FHIT: variants seen among roughly 807,000 people sequenced by gnomAD.
FHIT encodes the protein bis(5'-adenosyl)-triphosphatase.
FHIT carries 19 observed loss-of-function variants against 17.9 expected under a neutral mutation model. The ratio of observed to expected loss-of-function variants is 1.06; its 90% CI spans 0.74 to 1.56. FHIT has a LOEUF of 1.56. FHIT is among the 40% of genes most tolerant of loss of function. The pLI, the probability that FHIT is intolerant of heterozygous loss-of-function variation, is 0.00. For missense variants in FHIT, 248 were observed against 189.2 expected, an observed-to-expected ratio of 1.31 and a Z score of -1.82; for synonymous variants, 81 against 69.7, an observed-to-expected ratio of 1.16 and a Z score of -0.81.
chr3:60,019,986 C>T (rs1341458284), intron 5 of FHIT, among the ~76,000 whole-genome samples: 1 of 152,166 alleles, frequency 6.6e-6, no homozygotes, highest in African/African-American at 2.4e-5. Context: ...TCCCCAAATA[C>T]TTGCCAATAT....
chr3:60,857,334 G>T (rs1270745050), intron 3 of FHIT, among the ~76,000 whole-genome samples: 1 of 152,138 alleles, frequency 6.6e-6, no homozygotes, highest in Non-Finnish European at 1.5e-5. Context: ...TCCCTATCAT[G>T]TTCCATGATT....
At chr3:61,039,670 A>G (rs1040533593) in intron 3 of FHIT, among the ~76,000 whole-genome samples, 1 of 152,176 alleles carries the variant, frequency 6.6e-6, no homozygotes, top group Non-Finnish European at 1.5e-5. Flanking sequence ...ACATGGACAC[A>G]GGGAGGGGAA....
At chr3:60,502,003 C>G (rs568871374) in intron 5 of FHIT, among the ~76,000 whole-genome samples, 15 of 152,218 alleles carry the variant, frequency 9.9e-5, no homozygotes, top group Admixed American at 3.9e-4. Flanking sequence ...ACTGAGAGAC[C>G]GACGAGTAGA....
At chr3:60,801,802 G>T (rs571978619) in intron 4 of FHIT, among the ~76,000 whole-genome samples, 1 of 152,108 alleles carries the variant, frequency 6.6e-6, no homozygotes, top group South Asian at 2.1e-4. Flanking sequence ...AGCCTGATAC[G>T]GTAGGCTCTA....
chr3:60,847,227 C>A (rs1261396107), intron 3 of FHIT, among the ~76,000 whole-genome samples: 2 of 152,172 alleles, frequency 1.3e-5, no homozygotes, highest in Non-Finnish European at 2.9e-5. Context: ...TCATCAGACC[C>A]ACAAACACAT....
At chr3:60,230,127 C>T (rs1237179054) in intron 5 of FHIT, among the ~76,000 whole-genome samples, 1 of 152,068 alleles carries the variant, frequency 6.6e-6, no homozygotes, top group Non-Finnish European at 1.5e-5. Flanking sequence ...AATTGAATAA[C>T]GTTAAAATTT....
chr3:59,907,764 T>C (rs12629288), intron 8 of FHIT, among the ~76,000 whole-genome samples: 14,916 of 152,282 alleles, frequency 0.098, 1,352 homozygotes, highest in East Asian at 0.39. Flanking sequence ...ATGTATTATC[T>C]TACAGCACTG....
At chr3:59,846,333 A>T (rs1191168043) in intron 8 of FHIT, among the ~76,000 whole-genome samples, 1 of 152,120 alleles carries the variant, frequency 6.6e-6, no homozygotes, top group Non-Finnish European at 1.5e-5. Context: ...TGTAATTTGA[A>T]TTTATGCCAG....
intron 5 of FHIT, among the ~76,000 whole-genome samples, chr3:60,324,601 T>C (rs931324438): frequency 6.8e-6 from 1 of 147,642 alleles, no homozygotes; most frequent in Admixed American, 6.7e-5. Context: ...TTCCAGTTAC[T>C]AGCAACTGAC....
chr3:60,643,447 C>G (rs2039777006), intron 4 of FHIT, among the ~76,000 whole-genome samples: 1 of 152,104 alleles, frequency 6.6e-6, no homozygotes, highest in African/African-American at 2.4e-5. Context: ...ATAGACAAAG[C>G]AAGACTAAGC....
intron 3 of FHIT, among the ~76,000 whole-genome samples, chr3:60,995,474 AG>A (rs2030603357): frequency 6.6e-6 from 1 of 152,174 alleles, no homozygotes; most frequent in African/African-American, 2.4e-5. Flanking sequence ...AAAGATGAAG[AG>A]GGAGATTTAC....
At chr3:59,964,266 G>C (rs971382882) in intron 7 of FHIT, among the ~76,000 whole-genome samples, 5 of 152,084 alleles carry the variant, frequency 3.3e-5, no homozygotes, top group African/African-American at 1.2e-4. Context: ...TATGAAAAAG[G>C]AACATTTGAA....
Position 60,306,889 on chromosome 3 carries a change from G to A in FHIT, c.103+229971C>T, listed in dbSNP as rs142719720. On this transcript the variant is annotated intron_variant, in intron 5 of 9. Coordinates refer to ENST00000492590, the MANE Select transcript of FHIT (RefSeq NM_002012.4). ...TTATCAATAATAATAAAATCATGGAGGATTGATCGTGAGAGTGTTTTCCTT... is the reference window on the plus strand; with the variant it reads ...TTATCAATAATAATAAAATCATGGAAGATTGATCGTGAGAGTGTTTTCCTT... 3.2e-3 allele frequency among the ~76,000 whole-genome samples: 489 copies of A among 152,218 alleles called. 4 individuals are homozygous for A. The highest frequency in any genetic ancestry group is 0.011 in the African/African-American group (452 of 41,544).
chr3:60,666,540 T>G (rs2040385207), intron 4 of FHIT, among the ~76,000 whole-genome samples: 1 of 152,186 alleles, frequency 6.6e-6, no homozygotes, highest in Non-Finnish European at 1.5e-5. Flanking sequence ...TTTAAAAGAT[T>G]AATTATGATA....
intron 2 of FHIT, among the ~76,000 whole-genome samples, chr3:61,170,744 G>A (rs2037979642): frequency 6.6e-6 from 1 of 152,116 alleles, no homozygotes; most frequent in Non-Finnish European, 1.5e-5. Context: ...TGGTGTATAT[G>A]TACCACCTTT....
intron 5 of FHIT, among the ~76,000 whole-genome samples, chr3:60,302,279 A>C (rs555751586): frequency 2.2e-4 from 33 of 152,166 alleles, no homozygotes; most frequent in African/African-American, 7.2e-4. Context: ...CTAAATGTTT[A>C]TATCTTCAGT....
At chr3:61,049,556 T>A (rs953302694) in intron 2 of FHIT, among the ~76,000 whole-genome samples, 1 of 152,142 alleles carries the variant, frequency 6.6e-6, no homozygotes, top group African/African-American at 2.4e-5. Flanking sequence ...CTAACTCATG[T>A]TATCTTCACT....
At chr3:59,800,068 C>T (rs976357113) in intron 8 of FHIT, among the ~76,000 whole-genome samples, 4 of 152,194 alleles carry the variant, frequency 2.6e-5, no homozygotes, top group Non-Finnish European at 5.9e-5. Context: ...TTACAAAAAA[C>T]AGCCTGTGCT....
At chr3:59,841,320 T>G (rs911883942) in intron 8 of FHIT, among the ~76,000 whole-genome samples, 1 of 152,132 alleles carries the variant, frequency 6.6e-6, no homozygotes, top group Non-Finnish European at 1.5e-5. Context: ...GGACTTGGCC[T>G]CCCAACTGTA....
Sources: allele counts gnomAD v4.1 joint callset (sites outside exome capture counted in the v4.1 genomes callset), GRCh38; gene constraint gnomAD v4.1.1; transcripts MANE v1.5; gene names NCBI Gene and HGNC (gene_info 2026-07-23, HGNC 2026-07-21).